The following AAK1 variants were observed in gnomAD, a reference collection of about 807,000 sequenced individuals.
The protein encoded by AAK1 is AP2 associated kinase 1.
Under a neutral mutation model 116.0 loss-of-function variants are expected in AAK1, and 37 were observed. The observed-to-expected ratio is 0.32, with a 90% CI of 0.25 to 0.42. The LOEUF (loss-of-function observed/expected upper bound fraction) is 0.42. Ranked by LOEUF, AAK1 falls within the 10% of genes least tolerant of loss-of-function variation. AAK1 has a pLI of 1.00. For missense variants in AAK1, 919 were observed against 1,170.6 expected (o/e 0.79, Z 3.14); for synonymous variants, 458 against 439.9 (o/e 1.04, Z -0.51).
At chr2:69,622,486 T>A (rs1295127283) in intron 2 of AAK1, among the ~76,000 whole-genome samples, 2 of 152,210 alleles carry the variant, frequency 1.3e-5, no homozygotes, top group African/African-American at 4.8e-5. Context: ...ATCCACTGGG[T>A]GAAGCCAGCT....
Position 69,467,765 on chromosome 2 carries a change from A to G in AAK1, c.*8104T>C, listed in dbSNP as rs188181040. 8.1e-4 allele frequency: 801 copies of G among 985,450 alleles called. 2 individuals are homozygous for G. The Middle Eastern group carries it at 0.019, about 23-fold the overall frequency. The allele number at this position is 985,450 out of a possible 1,614,324, so 61.0% of individuals were successfully genotyped here. A position where few individuals can be genotyped will look rare whatever the true frequency, so the allele number is the denominator to read the frequency against. ...CCTGCTAAAGTTTCTGCATGAATTA[A>G]GCACACAGACCACAGCAGAAGAGGC... is the stretch of plus-strand genomic sequence containing the variant. On this transcript the variant is annotated 3_prime_UTR_variant, in exon 22 of 22. Transcript: ENST00000409085.
rs1000108202 is a variant in AAK1, at chr2:69,472,547, G to T, written c.*3322C>A. 8 of 906,220 alleles carry T rather than the reference G, an allele frequency of 8.8e-6. No homozygotes were observed. Among genetic ancestry groups the T allele is most frequent in the African/African-American group, 5.4e-5 (3 of 55,592 alleles). The allele number at this position is 906,220 out of a possible 1,614,324, so 56.1% of individuals were successfully genotyped here. On this transcript the variant is annotated 3_prime_UTR_variant, in exon 22 of 22. Transcript: ENST00000409085. ...TCAAAATTCTGATATGTCTGCTAAA[G>T]AAATCATTAATTATAATAATTATAA...
At chr2:69,534,926 C>T (rs761397171) in intron 5 of AAK1, among the ~76,000 whole-genome samples, 4 of 152,118 alleles carry the variant, frequency 2.6e-5, no homozygotes, top group Non-Finnish European at 5.9e-5. Context: ...GCTTGCCTTC[C>T]CAAGTAAGAA....
intron 2 of AAK1, among the ~76,000 whole-genome samples, chr2:69,586,610 T>C (rs1672777201): frequency 6.6e-6 from 1 of 152,192 alleles, no homozygotes; most frequent in Admixed American, 6.5e-5. Context: ...ACAAAGTCAA[T>C]GCTCGGTAAC....
chr2:69,534,319 G>C (rs184599676), intron 5 of AAK1, among the ~76,000 whole-genome samples: 1 of 152,298 alleles, frequency 6.6e-6, no homozygotes. Flanking sequence ...GCTACAGGAA[G>C]CAGGTTAGAA....
intron 3 of AAK1, among the ~76,000 whole-genome samples, chr2:69,554,632 A>G (rs1435109117): frequency 6.6e-6 from 1 of 152,208 alleles, no homozygotes; most frequent in African/African-American, 2.4e-5. Flanking sequence ...TACTTCCCAT[A>G]GGAGATAATG....
chr2:69,618,670 G>T (rs17036824), intron 2 of AAK1, among the ~76,000 whole-genome samples: 19,993 of 151,738 alleles, frequency 0.13, 3,061 homozygotes, highest in African/African-American at 0.36. Context: ...TAACATTCAC[G>T]GATGCCTGTA....
intron 2 of AAK1, among the ~76,000 whole-genome samples, chr2:69,580,412 G>T (rs1672494580): frequency 6.6e-6 from 1 of 152,198 alleles, no homozygotes; most frequent in African/African-American, 2.4e-5. Flanking sequence ...ATAAGTATGT[G>T]CAGACAACTT....
At chr2:69,557,087 C>A (rs578157739) in intron 2 of AAK1, 109 bp from the exon 3 acceptor site, 32 of 743,376 alleles carry the variant, frequency 4.3e-5, no homozygotes, top group Admixed American at 8.2e-5. Context: ...ACTAATGCCA[C>A]TGCCAGCCAG....
chr2:69,508,136 CTTAAG>C (rs968983434), intron 14 of AAK1, among the ~76,000 whole-genome samples: 2 of 152,316 alleles, frequency 1.3e-5, no homozygotes, highest in African/African-American at 4.8e-5. Flanking sequence ...TAATCTCTTG[CTTAAG>C]TTTTCAGTCT....
rs960008867 is a variant in AAK1, at chr2:69,464,984, T to C, written c.*10885A>G. ...TTTTCAAGAGTACTAAATCTTGATT[T>C]AGTGGAGGGACTAATCTTGATTCTT... On this transcript the variant is annotated 3_prime_UTR_variant, in exon 22 of 22. Coordinates refer to ENST00000409085, the MANE Select transcript of AAK1 (RefSeq NM_014911.5). The C allele has an allele frequency of 1.9e-5, 3 of 157,098 alleles. No homozygotes were observed. The highest frequency in any genetic ancestry group is 6.2e-5 in the Admixed American group (1 of 16,070). 9.7% of individuals were successfully genotyped at this position (157,098 alleles called of 1,614,324 possible).
At chr2:69,615,996 G>A (rs1674311320) in intron 2 of AAK1, among the ~76,000 whole-genome samples, 1 of 152,212 alleles carries the variant, frequency 6.6e-6, no homozygotes, top group Non-Finnish European at 1.5e-5. Context: ...AGCACTTTGG[G>A]AGGTCAAGGC....
Position 69,462,982 on chromosome 2 carries a change from G to C in AAK1, c.*12887C>G, listed in dbSNP as rs1297287683. The C allele has an allele frequency of 6.6e-6, 1 of 152,188 alleles. No individual in the cohort carries two copies. Among genetic ancestry groups the C allele is most frequent in the Non-Finnish European group, 1.5e-5 (1 of 68,032 alleles). The allele number at this position is 152,188 out of a possible 1,614,324, so 9.4% of individuals were successfully genotyped here. The stretch of plus-strand genomic sequence containing the variant: ...AACCTTAGTTGGAAAACCAAACCTT[G>C]GCACAGTGCCAATTATTTATCTTTT... On this transcript the variant is annotated 3_prime_UTR_variant, in exon 22 of 22. Transcript: ENST00000409085.
In AAK1 at chr2:69,469,780, C is replaced by G; in HGVS notation, c.*6089G>C. Reference sequence around the variant, plus strand: ...TCACACATAAAATTAAGCAAGAAGTCAAAACATACTTCTTTTTCTTGCTCT... The same window carrying G: ...TCACACATAAAATTAAGCAAGAAGTGAAAACATACTTCTTTTTCTTGCTCT... On this transcript the variant is annotated 3_prime_UTR_variant, in exon 22 of 22. Coordinates refer to ENST00000409085, the MANE Select transcript of AAK1 (RefSeq NM_014911.5). 1 of 985,414 alleles carries G rather than the reference C, an allele frequency of 1.0e-6. No homozygotes were observed. The highest frequency in any genetic ancestry group is 1.2e-6 in the Non-Finnish European group (1 of 829,926). The allele number at this position is 985,414 out of a possible 1,614,324, so 61.0% of individuals were successfully genotyped here.
At chr2:69,614,544 C>A (rs1000911296) in intron 2 of AAK1, among the ~76,000 whole-genome samples, 5 of 152,146 alleles carry the variant, frequency 3.3e-5, no homozygotes, top group Admixed American at 3.3e-4. Flanking sequence ...TCTCTCCCAA[C>A]CAGGAAAACA....
At chr2:69,509,048 A>C (rs924422230) in intron 14 of AAK1, among the ~76,000 whole-genome samples, 183 bp downstream of exon 14, 1 of 152,250 alleles carries the variant, frequency 6.6e-6, no homozygotes, top group Non-Finnish European at 1.5e-5. Flanking sequence ...CATTAAACAC[A>C]AGTACATGCA....
At chr2:69,521,729 T>C (rs909079578) in intron 10 of AAK1, among the ~76,000 whole-genome samples, 1 of 152,206 alleles carries the variant, frequency 6.6e-6, no homozygotes, top group African/African-American at 2.4e-5. Flanking sequence ...GATTATCAGG[T>C]GGCAGTTTCC....
chr2:69,547,483 T>C (rs1359658957), intron 3 of AAK1, among the ~76,000 whole-genome samples: 1 of 152,080 alleles, frequency 6.6e-6, no homozygotes, highest in African/African-American at 2.4e-5. Context: ...AAAGAGCATA[T>C]ACAAATGCCC....
intron 2 of AAK1, among the ~76,000 whole-genome samples, chr2:69,583,001 A>G (rs189630664): frequency 7.9e-4 from 121 of 152,324 alleles, no homozygotes; most frequent in Non-Finnish European, 1.4e-3. Flanking sequence ...CCTGGCAGCA[A>G]TTCAAATAAA....
Sources: gnomAD v4.1 joint callset for allele counts (sites outside exome capture counted in the v4.1 genomes callset) on GRCh38, gnomAD v4.1.1 for gene constraint, MANE v1.5 for transcripts, NCBI Gene and HGNC (gene_info 2026-07-23, HGNC 2026-07-21) for gene names.